Variants in TBC1D22A observed in about 807,000 individuals in gnomAD.
TBC1D22A encodes TBC1 domain family member 22A.
Under a neutral mutation model 60.2 loss-of-function variants are expected in TBC1D22A, and 38 were observed. The ratio of observed to expected loss-of-function variants is 0.63; its 90% CI spans 0.49 to 0.83. TBC1D22A has a LOEUF of 0.83. Among genes scored for constraint, TBC1D22A ranks in the 40% least tolerant of loss-of-function variants. The probability of loss-of-function intolerance (pLI) is 0.00; values close to 1 mark genes in which losing one functional copy is unlikely to be tolerated. For synonymous variants in TBC1D22A, 302 were observed against 281.7 expected (o/e 1.07, Z -0.72); for missense variants, 628 against 701.0 (o/e 0.90, Z 1.18).
At chr22:46,822,412 G>T (rs565970527) in intron 4 of TBC1D22A, among the ~76,000 whole-genome samples, 19 of 152,250 alleles carry the variant, frequency 1.2e-4, no homozygotes, top group African/African-American at 4.3e-4. Flanking sequence ...CTGACCCTTA[G>T]TTGGGGTTTT....
intron 11 of TBC1D22A, among the ~76,000 whole-genome samples, chr22:47,049,357 G>A (rs1178132452): frequency 2.0e-5 from 3 of 152,272 alleles, no homozygotes; most frequent in South Asian, 4.1e-4. Context: ...CTGGGTTCAC[G>A]TCCACATCAG....
At chr22:46,941,269 A>G (rs1221884156) in intron 8 of TBC1D22A, among the ~76,000 whole-genome samples, 1 of 148,370 alleles carries the variant, frequency 6.7e-6, no homozygotes, top group East Asian at 2.0e-4. Context: ...AAGCTGGGGC[A>G]CTAGCACACA....
At chr22:46,809,743 C>T (rs1009442796) in intron 4 of TBC1D22A, among the ~76,000 whole-genome samples, 12 of 152,050 alleles carry the variant, frequency 7.9e-5, no homozygotes, top group Admixed American at 2.0e-4. Flanking sequence ...GTTTGGGAGG[C>T]GTGATGAGGC....
At chr22:46,992,196 A>G (rs2074969201) in intron 9 of TBC1D22A, among the ~76,000 whole-genome samples, 1 of 152,138 alleles carries the variant, frequency 6.6e-6, no homozygotes, top group Non-Finnish European at 1.5e-5. Context: ...TGCAGAGGAG[A>G]CTCCATCAAG....
At chr22:46,811,524 G>A (rs1306462357) in intron 4 of TBC1D22A, among the ~76,000 whole-genome samples, 4 of 152,224 alleles carry the variant, frequency 2.6e-5, no homozygotes, top group Non-Finnish European at 5.9e-5. Context: ...AGCGGAGGAG[G>A]CAGAGTGGAG....
In TBC1D22A at chr22:46,852,297, C is replaced by T. The variant is rs575326977; in HGVS notation, c.638-26356C>T. Among the ~76,000 whole-genome samples the T allele has an allele frequency of 3.9e-5, 6 of 152,326 alleles. No homozygotes were observed. The East Asian group carries it at 5.8e-4, about 15-fold the overall frequency. On this transcript the variant is annotated intron_variant, in intron 4 of 12. Transcript: ENST00000337137. Reference sequence around the variant, plus strand: ...CCCAGGGCCTCCCGGCTTCCCGGCCCGCAGAGAACTTTAGCACCTCCCCTC... The same window carrying T: ...CCCAGGGCCTCCCGGCTTCCCGGCCTGCAGAGAACTTTAGCACCTCCCCTC...
rs1037389387 is a variant in TBC1D22A, at chr22:47,079,635, A to G, written c.1330-31873A>G. Among the ~76,000 whole-genome samples, 7 of 152,362 alleles carry G rather than the reference A, an allele frequency of 4.6e-5. No homozygotes were observed. In the South Asian group the frequency reaches 6.2e-4, roughly 14 times the overall value. ...AGAGCGACCACTAGCAAAATAAAAC[A>G]TAGGTATAAAATCCTAGTAGAGAAG... On this transcript the variant is annotated intron_variant, in intron 11 of 12. Transcript: ENST00000337137.
chr22:46,891,277 C>T lies in TBC1D22A; in HGVS notation c.720C>T (p.Pro240=), dbSNP rs745689547. 3.1e-6 allele frequency: 5 copies of T among 1,608,754 alleles called. No individual in the cohort carries two copies. Among genetic ancestry groups the T allele is most frequent in the Admixed American group, 3.4e-5 (2 of 58,838 alleles). ...MTWKLLSGYL[P]ANVDRRPATL... ...TATTTCTCACCCAGGGTTACCTTCC[C>T]GCCAATGTAGACCGGAGACCAGCCA... Residue 240 remains proline, a synonymous_variant, in exon 6 of 13, where the codon CCC becomes CCT. Transcript: ENST00000337137.
chr22:46,952,601 A>G (rs764875472), intron 8 of TBC1D22A, among the ~76,000 whole-genome samples: 1 of 152,028 alleles, frequency 6.6e-6, no homozygotes, highest in Non-Finnish European at 1.5e-5. Flanking sequence ...CTGTGTCCTG[A>G]GCTCCACTCC....
At chr22:47,037,802 G>T (rs73888818) in intron 11 of TBC1D22A, among the ~76,000 whole-genome samples, 3,566 of 152,316 alleles carry the variant, frequency 0.023, 63 homozygotes, top group South Asian at 0.084. Flanking sequence ...TGAGCAGTGT[G>T]CTAGGAGGAT....
At chr22:46,868,509 C>G (rs1004455550) in intron 4 of TBC1D22A, among the ~76,000 whole-genome samples, 1 of 151,960 alleles carries the variant, frequency 6.6e-6, no homozygotes, top group African/African-American at 2.4e-5. Flanking sequence ...GGATCCCAAG[C>G]TTTTTGGATA....
At position 47,009,894 on chromosome 22, in the gene TBC1D22A, A is replaced by G. The variant is rs1569333114; in HGVS notation, c.1201+12185A>G. On this transcript the variant is annotated intron_variant, in intron 10 of 12. Transcript: ENST00000337137. The surrounding 1 kb of genome is among the most constrained non-coding windows in gnomAD (Gnocchi z 5.8). Reference sequence around the variant, plus strand: ...GCTCCTGAGGCAGCCTCTTCTGTCCAGCCCCCAGGGAGGTTGGTTGGAGTG... The same window carrying G: ...GCTCCTGAGGCAGCCTCTTCTGTCCGGCCCCCAGGGAGGTTGGTTGGAGTG... Among the ~76,000 whole-genome samples the G allele has an allele frequency of 1.3e-5, 2 of 152,244 alleles. No individual in the cohort carries two copies. The highest frequency in any genetic ancestry group is 4.8e-5 in the African/African-American group (2 of 41,462).
intron 8 of TBC1D22A, among the ~76,000 whole-genome samples, chr22:46,947,045 G>A (rs1221710478): frequency 6.6e-6 from 1 of 152,200 alleles, no homozygotes; most frequent in Non-Finnish European, 1.5e-5. Context: ...TTGAGGCCGA[G>A]GGGTCTTTAG....
chr22:46,926,610 A>C (rs2071062972), intron 8 of TBC1D22A, among the ~76,000 whole-genome samples: 1 of 152,208 alleles, frequency 6.6e-6, no homozygotes, highest in Non-Finnish European at 1.5e-5. Flanking sequence ...TTAACATTTA[A>C]ATCGGTGGAC....
At chr22:47,172,075 G>GTGCCT (rs1569482652) in intron 12 of TBC1D22A, among the ~76,000 whole-genome samples, 5 of 124,236 alleles carry the variant, frequency 4.0e-5, no homozygotes, top group East Asian at 8.7e-4. Context: ...CACTCCCAGT[G>GTGCCT]AGCCTACCCA....
chr22:46,816,275 G>T (rs1404337107), intron 4 of TBC1D22A, among the ~76,000 whole-genome samples: 2 of 152,190 alleles, frequency 1.3e-5, no homozygotes, highest in African/African-American at 2.4e-5. Flanking sequence ...GGTTTGGAGG[G>T]TATCACAGGG....
rs185330206 is a variant in TBC1D22A, at chr22:46,774,735, G to A, written c.62+11887G>A. Among the ~76,000 whole-genome samples, 13 of 152,106 alleles carry A rather than the reference G, an allele frequency of 8.5e-5. No individual in the cohort carries two copies. The East Asian group carries it at 9.7e-4, about 11-fold the overall frequency. On this transcript the variant is annotated intron_variant, in intron 1 of 12. Transcript: ENST00000337137. The stretch of plus-strand genomic sequence containing the variant: ...CCAAGGCAGAGCCCTTTCCGGCTTC[G>A]GGGCCCCTGATATTTCTGGGCCCCC...
chr22:47,056,978 G>A (rs983887103), intron 11 of TBC1D22A, among the ~76,000 whole-genome samples: 11 of 152,202 alleles, frequency 7.2e-5, no homozygotes, highest in African/African-American at 2.7e-4. Context: ...CTCCTACACT[G>A]CCTTTCCCTG....
At chr22:46,922,982 G>C (rs866942091) in intron 8 of TBC1D22A, among the ~76,000 whole-genome samples, 28 of 152,116 alleles carry the variant, frequency 1.8e-4, no homozygotes, top group Non-Finnish European at 1.2e-4. Flanking sequence ...TTTGAGAGTG[G>C]GCATCCTTGT....
Sources: allele counts gnomAD v4.1 joint callset (sites outside exome capture counted in the v4.1 genomes callset), GRCh38; gene constraint gnomAD v4.1.1; non-coding constraint Gnocchi (gnomAD v3.1); transcripts MANE v1.5; gene names NCBI Gene and HGNC (gene_info 2026-07-23, HGNC 2026-07-21).